ITPR2: variants seen among roughly 807,000 people sequenced by gnomAD.
ITPR2 encodes inositol 1,4,5-trisphosphate-gated calcium channel ITPR2.
Under a neutral mutation model 317.1 loss-of-function variants are expected in ITPR2, and 207 were observed. That is an observed-to-expected ratio of 0.65 (90% CI 0.58 to 0.73). ITPR2 has a LOEUF of 0.73. ITPR2 is among the 30% of genes least tolerant of loss of function. The pLI, the probability that ITPR2 is intolerant of heterozygous loss-of-function variation, is 0.00. For synonymous variants in ITPR2, 1,156 were observed against 1,149.1 expected (o/e 1.01, Z -0.12); for missense variants, 2,613 against 3,284.0 (o/e 0.80, Z 4.99).
At chr12:26,375,469 C>T (rs931123513) in intron 55 of ITPR2, among the ~76,000 whole-genome samples, 2 of 152,224 alleles carry the variant, frequency 1.3e-5, no homozygotes, top group African/African-American at 4.8e-5. Flanking sequence ...ACTGACCACA[C>T]CACCTCTAGG....
chr12:26,704,244 A>T (rs1290766106), intron 9 of ITPR2, among the ~76,000 whole-genome samples: 1 of 152,266 alleles, frequency 6.6e-6, no homozygotes, highest in Non-Finnish European at 1.5e-5. Flanking sequence ...AAGAATTCAG[A>T]GAAATAAAAG....
In ITPR2 at chr12:26,436,273, G is replaced by T. The variant is rs1236403082; in HGVS notation, c.6717C>A (p.Phe2239Leu). 1 of 1,613,060 alleles carries T rather than the reference G, an allele frequency of 6.2e-7. No homozygotes were observed. Among genetic ancestry groups the T allele is most frequent in the Admixed American group, 1.7e-5 (1 of 59,924 alleles). ...AGAAGAGAGCAACAGCTAAATTGAT[G>T]AACACAGCCAGGTTGAAGGAAATGC... ...WGSISFNLAV[F>L]INLAVALFYP... The change falls in exon 48 of 57, where the codon TTC becomes TTA. Residue 2239 changes from phenylalanine (F) to leucine (L), a missense_variant. Phe to Leu is a conservative substitution (Grantham distance 22). Coordinates refer to ENST00000381340, the MANE Select transcript of ITPR2 (RefSeq NM_002223.4).
intron 55 of ITPR2, among the ~76,000 whole-genome samples, chr12:26,372,971 C>T (rs999274221): frequency 4.6e-5 from 7 of 152,206 alleles, no homozygotes; most frequent in Admixed American, 1.3e-4. Context: ...AGAAAATTCA[C>T]TGTCTGTCCA....
At chr12:26,737,729 C>T (rs1391628580) in intron 2 of ITPR2, among the ~76,000 whole-genome samples, 1 of 152,090 alleles carries the variant, frequency 6.6e-6, no homozygotes, top group African/African-American at 2.4e-5. Flanking sequence ...GCACCCGGAC[C>T]CCATAAGTCT....
intron 55 of ITPR2, among the ~76,000 whole-genome samples, chr12:26,362,801 C>A (rs142089014): frequency 1.3e-5 from 2 of 152,316 alleles, no homozygotes; most frequent in African/African-American, 4.8e-5. Context: ...AACCTTCACA[C>A]TCCCTCATCA....
At chr12:26,667,116 A>C (rs545585521) in intron 13 of ITPR2, among the ~76,000 whole-genome samples, 21 of 152,366 alleles carry the variant, frequency 1.4e-4, no homozygotes, top group African/African-American at 4.8e-4. Flanking sequence ...TAGCATGTGA[A>C]TACAATGATG....
rs1565624274 is a variant in ITPR2 at position 26,589,820 on chromosome 12, ATAAATAAATAAAC to A, written c.4380+5632_4380+5644del. On this transcript the variant is annotated intron_variant, in intron 32 of 56. Transcript: ENST00000381340. ...AAATAAATAAATAAAAAATAAATAA[ATAAATAAATAAAC>A]ATATATATATATATATATATACACA... Among the ~76,000 whole-genome samples the A allele has an allele frequency of 1.4e-3, 56 of 38,742 alleles. 6 individuals are homozygous for A. Among genetic ancestry groups the A allele is most frequent in the African/African-American group, 2.9e-3 (39 of 13,678 alleles). The allele number at this position is 38,742 out of a possible 152,430, so 25.4% of individuals were successfully genotyped here. A position where few individuals can be genotyped will look rare whatever the true frequency, so the allele number is the denominator to read the frequency against.
At chr12:26,814,961 G>A (rs1950824987) in intron 1 of ITPR2, among the ~76,000 whole-genome samples, 1 of 152,146 alleles carries the variant, frequency 6.6e-6, no homozygotes, top group South Asian at 2.1e-4. Context: ...TTGTTTATCT[G>A]TAAAATGGTT....
chr12:26,537,240 GT>G (rs1410459063), intron 37 of ITPR2, among the ~76,000 whole-genome samples: 5 of 152,216 alleles, frequency 3.3e-5, no homozygotes, highest in African/African-American at 1.2e-4. Context: ...GATACCAACA[GT>G]TTATTTCAAG....
At chr12:26,655,927 T>G in intron 19 of ITPR2, 75 bp from the exon 20 acceptor site, 1 of 1,392,760 alleles carries the variant, frequency 7.2e-7, no homozygotes, top group Non-Finnish European at 9.9e-7. Context: ...ACACGTAGTT[T>G]CCTGGGTGCA....
intron 26 of ITPR2, among the ~76,000 whole-genome samples, chr12:26,619,946 G>A (rs557652571): frequency 6.6e-6 from 1 of 152,098 alleles, no homozygotes; most frequent in African/African-American, 2.4e-5. Flanking sequence ...TAAGTTGCTC[G>A]AAGTCACACA....
chr12:26,483,274 G>C (rs975751798), intron 42 of ITPR2, among the ~76,000 whole-genome samples: 3 of 152,130 alleles, frequency 2.0e-5, no homozygotes, highest in African/African-American at 7.2e-5. Flanking sequence ...TAATCTTTGG[G>C]TTAGAACCTA....
intron 2 of ITPR2, among the ~76,000 whole-genome samples, chr12:26,782,069 G>GAA: frequency 7.2e-6 from 1 of 137,992 alleles, no homozygotes; most frequent in African/African-American, 2.8e-5. Flanking sequence ...GAGAGAGAGA[G>GAA]AGAGCGAGAG....
intron 32 of ITPR2, among the ~76,000 whole-genome samples, chr12:26,589,150 T>TA (rs1162429432): frequency 6.6e-6 from 1 of 152,214 alleles, no homozygotes; most frequent in Non-Finnish European, 1.5e-5. Context: ...TCCATGGGTC[T>TA]AATAGCATCG....
Position 26,693,457 on chromosome 12 carries a change from G to C in ITPR2, c.996+2149C>G, listed in dbSNP as rs930164677. Among the ~76,000 whole-genome samples the C allele has an allele frequency of 2.6e-5, 4 of 152,172 alleles. No homozygotes were observed. The South Asian group carries it at 8.3e-4, about 32-fold the overall frequency. ...GGTATCTGCAGAGGATTGGTTCCAG[G>C]ACCCCCTGCAAATACAAAAATCTGC... On this transcript the variant is annotated intron_variant, in intron 10 of 56. Transcript: ENST00000381340.
intron 37 of ITPR2, among the ~76,000 whole-genome samples, chr12:26,516,213 G>A (rs374848890): frequency 2.5e-5 from 1 of 40,234 alleles, no homozygotes; most frequent in African/African-American, 8.6e-5. Flanking sequence ...GGGAGGACAG[G>A]AAGGAAAGGA....
intron 37 of ITPR2, among the ~76,000 whole-genome samples, chr12:26,522,556 G>A (rs1172661974): frequency 1.3e-5 from 2 of 152,234 alleles, no homozygotes; most frequent in East Asian, 3.9e-4. Context: ...GCGACCCCAA[G>A]CAGTTCATTA....
At chr12:26,715,051 T>A (rs1358857263) in intron 8 of ITPR2, among the ~76,000 whole-genome samples, 1 of 151,800 alleles carries the variant, frequency 6.6e-6, no homozygotes, top group Non-Finnish European at 1.5e-5. Flanking sequence ...TTTGTAAATG[T>A]GTGTGTGTGT....
At chr12:26,517,411 A>G (rs1943552182) in intron 37 of ITPR2, among the ~76,000 whole-genome samples, 1 of 152,246 alleles carries the variant, frequency 6.6e-6, no homozygotes, top group Non-Finnish European at 1.5e-5. Context: ...ACTTCTCAAA[A>G]GAACACATAC....
Sources: gnomAD v4.1 joint callset for allele counts (sites outside exome capture counted in the v4.1 genomes callset) on GRCh38, gnomAD v4.1.1 for gene constraint, MANE v1.5 for transcripts, NCBI Gene and HGNC (gene_info 2026-07-23, HGNC 2026-07-21) for gene names.